HPCAL1: variants seen among roughly 807,000 people sequenced by gnomAD.
HPCAL1 encodes hippocalcin like 1, also known as hippocalcin-like protein 1.
Under a neutral mutation model 17.1 loss-of-function variants are expected in HPCAL1, and 8 were observed. The ratio of observed to expected loss-of-function variants is 0.47; its 90% CI spans 0.27 to 0.84. The LOEUF is 0.84. Among genes scored for constraint, HPCAL1 ranks in the 40% least tolerant of loss-of-function variants. HPCAL1 has a pLI of 0.13. For synonymous variants in HPCAL1, 112 were observed against 111.4 expected, an observed-to-expected ratio of 1.01 and a Z score of -0.03; for missense variants, 165 against 271.1, an observed-to-expected ratio of 0.61 and a Z score of 2.75.
At chr2:10,325,836 A>G (rs1040861366) in intron 1 of HPCAL1, among the ~76,000 whole-genome samples, 8 of 152,242 alleles carry the variant, frequency 5.3e-5, no homozygotes, top group East Asian at 1.9e-4. Context: ...GCTGCGGCCA[A>G]TTAGCACCTC....
Position 10,419,674 on chromosome 2 carries a change from A to G in HPCAL1, c.-24-60A>G, listed in dbSNP as rs1194536700. 6 of 1,507,328 alleles carry G rather than the reference A, an allele frequency of 4.0e-6. No individual in the cohort carries two copies. The highest frequency in any genetic ancestry group is 5.3e-6 in the Non-Finnish European group (6 of 1,125,920). 93.4% of individuals were successfully genotyped at this position (1,507,328 alleles called of 1,614,324 possible). ...TGGGCTTATTTGGTCTCTCCGGCAC[A>G]TGGCTCAGCCCTGCTCCGTGGCCGT... On this transcript the variant is annotated intron_variant, in intron 2 of 4. Coordinates refer to ENST00000307845, the MANE Select transcript of HPCAL1 (RefSeq NM_002149.4). This position sits in a 1 kb window ranked among gnomAD's most constrained non-coding sequence, Gnocchi z 5.0.
Position 10,325,280 on chromosome 2 carries a change from A to G in HPCAL1, c.-111+22103A>G, listed in dbSNP as rs138419333. On this transcript the variant is annotated intron_variant, in intron 1 of 4. Transcript: ENST00000307845. ...CCTGGGCTCAGGCGATCCTCCCGAC[A>G]TCGTAATTACATTTTTGCAGGGTTT... is the stretch of plus-strand genomic sequence containing the variant. Among the ~76,000 whole-genome samples, 412 of 152,254 alleles carry G rather than the reference A, an allele frequency of 2.7e-3. 2 individuals carry two copies. Among genetic ancestry groups the G allele is most frequent in the African/African-American group, 9.3e-3 (386 of 41,554 alleles).
At chr2:10,386,439 G>C (rs1558506973) in intron 1 of HPCAL1, among the ~76,000 whole-genome samples, 1 of 152,136 alleles carries the variant, frequency 6.6e-6, no homozygotes, top group Non-Finnish European at 1.5e-5. Flanking sequence ...TGTTTATTGA[G>C]AGTCCCCCTG....
Position 10,377,382 on chromosome 2 carries a change from G to T in HPCAL1, c.-110-19453G>T, listed in dbSNP as rs10490727. Among the ~76,000 whole-genome samples, 21,694 of 152,260 alleles carry T rather than the reference G, an allele frequency of 0.14. 2,414 individuals are homozygous for T. Among genetic ancestry groups the T allele is most frequent in the East Asian group, 0.48 (2,494 of 5,150 alleles). On this transcript the variant is annotated intron_variant, in intron 1 of 4. Transcript: ENST00000307845. The surrounding 1 kb of genome is among the most constrained non-coding windows in gnomAD (Gnocchi z 5.9). Reference sequence around the variant, plus strand: ...AAGGTGTCTGAACAGTGCTTGCAAAGGTAACTGGCATTCTGCCGGCTGCTC... The same window carrying T: ...AAGGTGTCTGAACAGTGCTTGCAAATGTAACTGGCATTCTGCCGGCTGCTC...
chr2:10,334,811 A>G (rs766954180), intron 1 of HPCAL1, among the ~76,000 whole-genome samples: 5 of 151,998 alleles, frequency 3.3e-5, no homozygotes, highest in African/African-American at 7.2e-5. Flanking sequence ...TCAGCCTCCC[A>G]AGTAGCTAGG....
intron 2 of HPCAL1, among the ~76,000 whole-genome samples, chr2:10,411,666 G>T (rs879760591): frequency 1.3e-5 from 2 of 152,202 alleles, no homozygotes; most frequent in Non-Finnish European, 2.9e-5. Flanking sequence ...CGGCATCCCA[G>T]TGCTCAGCCT....
At chr2:10,415,741 G>A (rs1670624903) in intron 2 of HPCAL1, among the ~76,000 whole-genome samples, 1 of 152,124 alleles carries the variant, frequency 6.6e-6, no homozygotes, top group Non-Finnish European at 1.5e-5. Context: ...CCAGGAAGTT[G>A]ACCACCTCCC....
intron 1 of HPCAL1, among the ~76,000 whole-genome samples, chr2:10,308,409 T>C (rs965980593): frequency 6.6e-6 from 1 of 152,172 alleles, no homozygotes; most frequent in African/African-American, 2.4e-5. Flanking sequence ...CCCTCTTTTG[T>C]ACAAACTCCC....
intron 1 of HPCAL1, among the ~76,000 whole-genome samples, chr2:10,347,716 A>G (rs73161288): frequency 0.018 from 2,785 of 152,088 alleles, 66 homozygotes; most frequent in African/African-American, 0.055. Context: ...GGGGTTGGGC[A>G]TTTTCTGAGG....
chr2:10,318,621 G>A (rs1452515395), intron 1 of HPCAL1, among the ~76,000 whole-genome samples: 2 of 152,116 alleles, frequency 1.3e-5, no homozygotes, highest in African/African-American at 2.4e-5. Context: ...GGGTGGGCTC[G>A]GTTTTCTAGT....
chr2:10,369,609 G>A (rs1282662125), intron 1 of HPCAL1, among the ~76,000 whole-genome samples: 2 of 152,240 alleles, frequency 1.3e-5, no homozygotes, highest in South Asian at 2.1e-4. Flanking sequence ...AGGGCTCCAG[G>A]CAGAGGGAGG....
intron 1 of HPCAL1, among the ~76,000 whole-genome samples, chr2:10,322,879 G>T (rs1663762520): frequency 6.6e-6 from 1 of 152,212 alleles, no homozygotes; most frequent in South Asian, 2.1e-4. Context: ...CACGTTTTAT[G>T]TTGTTTGCAG....
chr2:10,400,940 G>T (rs926778767), intron 2 of HPCAL1, among the ~76,000 whole-genome samples: 1 of 152,238 alleles, frequency 6.6e-6, no homozygotes, highest in African/African-American at 2.4e-5. Context: ...TCTGCTCCAT[G>T]TCGGGCTCTG....
At position 10,426,853 on chromosome 2, in the gene HPCAL1, A is replaced by G. The variant is rs1057456125; in HGVS notation, c.*32A>G. 3.2e-6 allele frequency: 5 copies of G among 1,567,704 alleles called. No homozygotes were observed. In the African/African-American group the frequency reaches 6.8e-5, roughly 21 times the overall value. On this transcript the variant is annotated 3_prime_UTR_variant, in exon 5 of 5. Coordinates refer to ENST00000307845, the MANE Select transcript of HPCAL1 (RefSeq NM_002149.4). ...GGCCCCTGGACAGTTGCAGAGAAAC[A>G]CAGGCTTGTCGTGCCGTTTAAGCTT...
chr2:10,307,921 C>T (rs545459989), intron 1 of HPCAL1, among the ~76,000 whole-genome samples: 3 of 152,336 alleles, frequency 2.0e-5, no homozygotes, highest in Non-Finnish European at 2.9e-5. Context: ...GTTCTCTTAA[C>T]GCAGTAAGTG....
intron 1 of HPCAL1, among the ~76,000 whole-genome samples, chr2:10,335,653 C>T (rs929723934): frequency 2.0e-5 from 3 of 152,178 alleles, no homozygotes; most frequent in Admixed American, 2.0e-4. Flanking sequence ...GTGGAATTGC[C>T]AGGTGCTATG....
At chr2:10,411,615 C>T (rs1670361053) in intron 2 of HPCAL1, among the ~76,000 whole-genome samples, 1 of 152,236 alleles carries the variant, frequency 6.6e-6, no homozygotes, top group African/African-American at 2.4e-5. Context: ...GGCATGCCTA[C>T]ACCATAACTC....
intron 1 of HPCAL1, among the ~76,000 whole-genome samples, chr2:10,371,736 ACCTGGGCCTGCCCGGAAAGGTCCCTGGG>A (rs1012287472): frequency 6.6e-6 from 1 of 152,164 alleles, no homozygotes; most frequent in African/African-American, 2.4e-5. Context: ...CAGGCACTGG[ACCTGGGCCTGCCCGGAAAGGTCCCTGGG>A]CCTGGTGTGC....
At position 10,359,060 on chromosome 2, in the gene HPCAL1, C is replaced by T. The variant is rs1038403501; in HGVS notation, c.-110-37775C>T. On this transcript the variant is annotated intron_variant, in intron 1 of 4. Coordinates refer to ENST00000307845, the MANE Select transcript of HPCAL1 (RefSeq NM_002149.4). This position sits in a 1 kb window ranked among gnomAD's most constrained non-coding sequence, Gnocchi z 4.1. ...GTTTGACCCGTCTGCATGCTCCCCT[C>T]GAGGTTTGACCCGTCTGCATGCTCC... is the stretch of plus-strand genomic sequence containing the variant. Among the ~76,000 whole-genome samples, 4 of 148,554 alleles carry T rather than the reference C, an allele frequency of 2.7e-5. No individual in the cohort carries two copies. The highest frequency in any genetic ancestry group is 1.9e-4 in the East Asian group (1 of 5,172).
Sources: gnomAD v4.1 joint callset for allele counts (sites outside exome capture counted in the v4.1 genomes callset) on GRCh38, gnomAD v4.1.1 for gene constraint, Gnocchi (gnomAD v3.1) non-coding constraint, MANE v1.5 for transcripts, NCBI Gene and HGNC (gene_info 2026-07-23, HGNC 2026-07-21) for gene names.